FMN1: variants seen among roughly 807,000 people sequenced by gnomAD.
FMN1 encodes formin 1, also known as formin-1.
FMN1 carries 110 observed loss-of-function variants against 132.4 expected under a neutral mutation model. That is an observed-to-expected ratio of 0.83 (90% confidence interval 0.71 to 0.97). The LOEUF (loss-of-function observed/expected upper bound fraction) is 0.97, where lower values mean the gene tolerates loss of function less well. Among genes scored for constraint, FMN1 ranks in the 50% least tolerant of loss-of-function variants. FMN1 has a pLI of 0.00. For missense variants in FMN1, 1,792 were observed against 1,705.3 expected, an observed-to-expected ratio of 1.05 and a Z score of -0.90; for synonymous variants, 722 against 651.7, an observed-to-expected ratio of 1.11 and a Z score of -1.64.
At chr15:32,823,386 G>C (rs1258773) in intron 17 of FMN1, among the ~76,000 whole-genome samples, 2 of 151,604 alleles carry the variant, frequency 1.3e-5, no homozygotes, top group East Asian at 1.9e-4. Flanking sequence ...GGAAGGTCTC[G>C]ATCTCCTGAC....
At position 33,153,914 on chromosome 15, in the gene FMN1, T is replaced by C. The variant is rs1263012648; in HGVS notation, c.1001A>G (p.Gln334Arg). The C allele has an allele frequency of 1.3e-6, 2 of 1,536,836 alleles. No homozygotes were observed. The highest frequency in any genetic ancestry group is 8.7e-7 in the Non-Finnish European group (1 of 1,147,068). ...TCTTTGTACCTGGGAGGACAGGTCC[T>C]GAACTTTGGCCACCACTTTGGAGAC... ...KPVSKVVAKV[Q>R]DLSSQVQRVV... is the part of the protein sequence containing the mutation. The change falls in exon 4 of 21, where the codon CAG becomes CGG. Residue 334 changes from glutamine to arginine, a missense_variant. Coordinates refer to ENST00000616417, the MANE Select transcript of FMN1 (RefSeq NM_001277313.2).
intron 4 of FMN1, among the ~76,000 whole-genome samples, chr15:33,118,954 T>C (rs181929779): frequency 1.1e-3 from 163 of 152,268 alleles, no homozygotes; most frequent in African/African-American, 3.7e-3. Flanking sequence ...TTCTTAGTTT[T>C]GTTCAACATA....
intron 9 of FMN1, among the ~76,000 whole-genome samples, chr15:32,953,275 C>T (rs978831562): frequency 1.3e-5 from 2 of 152,180 alleles, no homozygotes; most frequent in Non-Finnish European, 2.9e-5. Flanking sequence ...CACATGATTT[C>T]TTCTCATACT....
chr15:33,159,249 G>A (rs949671352), intron 3 of FMN1, among the ~76,000 whole-genome samples: 55 of 152,146 alleles, frequency 3.6e-4, no homozygotes, highest in African/African-American at 9.7e-5. Flanking sequence ...TTGGATATGC[G>A]TGACAGGAAA....
At chr15:33,103,824 T>G (rs1355430170) in intron 4 of FMN1, among the ~76,000 whole-genome samples, 1 of 152,118 alleles carries the variant, frequency 6.6e-6, no homozygotes, top group Non-Finnish European at 1.5e-5. Context: ...CCAAATCATC[T>G]TTAATTTAGG....
chr15:33,102,094 T>C (rs1257464944), intron 4 of FMN1, among the ~76,000 whole-genome samples: 1 of 152,164 alleles, frequency 6.6e-6, no homozygotes, highest in East Asian at 1.9e-4. Flanking sequence ...GGGTGTACTC[T>C]GTACATGTAT....
chr15:33,155,167 G>A, intron 3 of FMN1, 122 bp from the exon 4 acceptor site: 1 of 375,618 alleles, frequency 2.7e-6, no homozygotes, highest in African/African-American at 2.0e-5. Context: ...AACAACTCAA[G>A]GAATCAGACA....
chr15:33,184,649 G>A (rs1375063549), intron 2 of FMN1, among the ~76,000 whole-genome samples: 5 of 151,726 alleles, frequency 3.3e-5, no homozygotes, highest in Non-Finnish European at 2.9e-5. Flanking sequence ...GATTACAGGC[G>A]GGCGCCACCA....
intron 9 of FMN1, among the ~76,000 whole-genome samples, chr15:32,930,234 G>A (rs780268046): frequency 4.6e-5 from 7 of 151,858 alleles, no homozygotes; most frequent in Non-Finnish European, 7.4e-5. Flanking sequence ...TGATCTGCTC[G>A]CCTTGGCCTC....
chr15:33,000,541 G>A (rs902276902), intron 7 of FMN1, among the ~76,000 whole-genome samples: 6 of 151,968 alleles, frequency 3.9e-5, no homozygotes, highest in Non-Finnish European at 8.8e-5. Context: ...TTTGGAGAGA[G>A]AGGCTGAGGT....
At chr15:33,069,139 T>C (rs1215131275) in intron 5 of FMN1, among the ~76,000 whole-genome samples, 2 of 152,146 alleles carry the variant, frequency 1.3e-5, no homozygotes, top group Non-Finnish European at 2.9e-5. Flanking sequence ...CCAATTTGCC[T>C]CAACAAAAAC....
intron 6 of FMN1, among the ~76,000 whole-genome samples, chr15:33,045,579 T>C (rs2036640028): frequency 1.3e-5 from 2 of 152,208 alleles, no homozygotes; most frequent in South Asian, 2.1e-4. Context: ...AGTTTCTTCA[T>C]GCAAATTTCT....
intron 19 of FMN1, among the ~76,000 whole-genome samples, chr15:32,789,088 A>G (rs985692511): frequency 4.6e-5 from 7 of 152,218 alleles, no homozygotes; most frequent in African/African-American, 1.7e-4. Flanking sequence ...AGGAAACACA[A>G]TGATTATTTA....
chr15:32,959,824 A>G (rs2030299308), intron 9 of FMN1, among the ~76,000 whole-genome samples: 1 of 152,254 alleles, frequency 6.6e-6, no homozygotes, highest in African/African-American at 2.4e-5. Flanking sequence ...CTATGAGTAA[A>G]CAACATGTTT....
At chr15:32,823,596 C>A (rs537264513) in intron 17 of FMN1, among the ~76,000 whole-genome samples, 2 of 152,146 alleles carry the variant, frequency 1.3e-5, no homozygotes, top group Admixed American at 6.5e-5. Flanking sequence ...TTTAAGTTTC[C>A]TCTCACATAC....
chr15:32,824,962 G>A (rs1271997684), intron 17 of FMN1, among the ~76,000 whole-genome samples: 5 of 152,056 alleles, frequency 3.3e-5, no homozygotes, highest in South Asian at 2.1e-4. Context: ...TCCTTTCCTT[G>A]TCTGAGTCAC....
At chr15:32,865,109 G>C (rs1335177582) in intron 16 of FMN1, among the ~76,000 whole-genome samples, 1 of 151,806 alleles carries the variant, frequency 6.6e-6, no homozygotes, top group Non-Finnish European at 1.5e-5. Context: ...GAGAAAGAGG[G>C]AGAGAGAGAG....
intron 17 of FMN1, among the ~76,000 whole-genome samples, chr15:32,850,940 T>C (rs1265816708): frequency 6.6e-6 from 1 of 152,112 alleles, no homozygotes; most frequent in African/African-American, 2.4e-5. Context: ...GTGCCTGTAG[T>C]CCCAGCTACT....
chr15:32,857,040 G>A lies in FMN1; in HGVS notation c.3903C>T (p.Asp1301=). 2 of 1,613,538 alleles carry A rather than the reference G, an allele frequency of 1.2e-6. No individual in the cohort carries two copies. The highest frequency in any genetic ancestry group is 1.7e-6 in the Non-Finnish European group (2 of 1,179,474). The part of the protein sequence containing the change: ...SPKEYLQPFK[D]KLEEFFQKAK... ...CTTTTTGGAAGAACTCCTCTAGTTT[G>A]TCCTTGAAAGGCTGGAGATACTCCT... Residue 1301 remains aspartate (D), a synonymous_variant, in exon 17 of 21, where the codon GAC becomes GAT. Transcript: ENST00000616417.
Sources: gnomAD v4.1 joint callset for allele counts (sites outside exome capture counted in the v4.1 genomes callset) on GRCh38, gnomAD v4.1.1 for gene constraint, MANE v1.5 for transcripts, NCBI Gene and HGNC (gene_info 2026-07-23, HGNC 2026-07-21) for gene names.